ADGRB3: variants seen among roughly 807,000 people sequenced by gnomAD.
ADGRB3 encodes the protein adhesion G protein-coupled receptor B3.
Under a neutral mutation model 193.4 loss-of-function variants are expected in ADGRB3, and 37 were observed. The observed-to-expected ratio is 0.19, with a 90% CI of 0.15 to 0.25. ADGRB3 has a LOEUF of 0.25. Ranked by LOEUF, ADGRB3 falls within the 10% of genes least tolerant of loss-of-function variation. The pLI is 1.00. For synonymous variants in ADGRB3, 690 were observed against 644.2 expected (o/e 1.07, Z -1.08); for missense variants, 1,637 against 1,852.9 (o/e 0.88, Z 2.14).
At chr6:68,943,159 A>C (rs1007414595) in intron 5 of ADGRB3, among the ~76,000 whole-genome samples, 10 of 152,170 alleles carry the variant, frequency 6.6e-5, no homozygotes, top group African/African-American at 2.4e-4. Context: ...TTTCATCGTC[A>C]TTAGAAAGAG....
chr6:68,914,533 C>G (rs1418027546), intron 3 of ADGRB3, among the ~76,000 whole-genome samples: 7 of 152,064 alleles, frequency 4.6e-5, no homozygotes, highest in African/African-American at 9.7e-5. Flanking sequence ...TAAAGGAGCT[C>G]CTGAAGGAAG....
intron 3 of ADGRB3, among the ~76,000 whole-genome samples, chr6:68,771,173 A>G (rs1231121138): frequency 6.6e-6 from 1 of 152,090 alleles, no homozygotes; most frequent in Non-Finnish European, 1.5e-5. Context: ...TATTTTCATT[A>G]TGGAATGTTT....
intron 26 of ADGRB3, among the ~76,000 whole-genome samples, chr6:69,347,873 G>A (rs1341797628): frequency 1.3e-5 from 2 of 152,120 alleles, no homozygotes; most frequent in Admixed American, 6.6e-5. Context: ...CCAAAACAGA[G>A]AATGAGGCGC....
chr6:68,724,623 T>C (rs952275787), intron 3 of ADGRB3, among the ~76,000 whole-genome samples: 4 of 151,416 alleles, frequency 2.6e-5, no homozygotes, highest in Non-Finnish European at 4.4e-5. Flanking sequence ...TCTTTGATTT[T>C]TAGAGATGTG....
intron 18 of ADGRB3, among the ~76,000 whole-genome samples, chr6:69,234,641 A>G (rs540583478): frequency 9.1e-4 from 138 of 152,304 alleles, no homozygotes; most frequent in African/African-American, 3.2e-3. Flanking sequence ...TTTACCAAGA[A>G]TCATATTGTG....
intron 3 of ADGRB3, among the ~76,000 whole-genome samples, chr6:68,905,758 TA>T (rs1766527836): frequency 6.6e-6 from 1 of 152,172 alleles, no homozygotes; most frequent in Admixed American, 6.6e-5. Context: ...CAAATTAGGT[TA>T]AAAAGTTCCC....
chr6:68,972,375 C>T (rs966512703), intron 8 of ADGRB3, among the ~76,000 whole-genome samples: 1 of 152,132 alleles, frequency 6.6e-6, no homozygotes, highest in Non-Finnish European at 1.5e-5. Flanking sequence ...CATTTAACAG[C>T]CCAGGTGCTT....
intron 3 of ADGRB3, among the ~76,000 whole-genome samples, chr6:68,666,357 ATGTTC>A (rs1180960399): frequency 6.6e-6 from 1 of 151,876 alleles, no homozygotes; most frequent in African/African-American, 2.4e-5. Context: ...CTATATCTCT[ATGTTC>A]TCTTCCACCA....
intron 3 of ADGRB3, among the ~76,000 whole-genome samples, chr6:68,900,662 T>C (rs1044098143): frequency 2.0e-5 from 3 of 152,080 alleles, no homozygotes; most frequent in East Asian, 1.9e-4. Context: ...AGGTTACACA[T>C]TGATCAGCAA....
At chr6:68,722,213 T>A (rs760091757) in intron 3 of ADGRB3, among the ~76,000 whole-genome samples, 1 of 151,782 alleles carries the variant, frequency 6.6e-6, no homozygotes, top group African/African-American at 2.4e-5. Context: ...TCTGTTCCTA[T>A]GTTAGTTTGC....
chr6:69,124,885 CA>C (rs1773813422), intron 17 of ADGRB3, among the ~76,000 whole-genome samples: 1 of 83,670 alleles, frequency 1.2e-5, no homozygotes. Context: ...TCAGTTTTGC[CA>C]TTTTTTTTTT....
intron 3 of ADGRB3, among the ~76,000 whole-genome samples, chr6:68,852,025 T>A (rs1465776645): frequency 8.0e-6 from 1 of 125,176 alleles, no homozygotes; most frequent in Non-Finnish European, 2.0e-5. Flanking sequence ...TATTATTCAT[T>A]TCAACGTTGT....
intron 8 of ADGRB3, among the ~76,000 whole-genome samples, chr6:68,960,588 C>A (rs1768204596): frequency 6.6e-6 from 1 of 152,162 alleles, no homozygotes; most frequent in African/African-American, 2.4e-5. Flanking sequence ...ATTATGCCTC[C>A]TCTGGAGACC....
intron 3 of ADGRB3, among the ~76,000 whole-genome samples, chr6:68,653,667 C>A (rs1561983965): frequency 6.6e-6 from 1 of 151,988 alleles, no homozygotes. Flanking sequence ...TAAAGATACT[C>A]GAGTTTTTCT....
At chr6:69,039,612 ATATT>A (rs959698013) in intron 13 of ADGRB3, among the ~76,000 whole-genome samples, 8 of 152,194 alleles carry the variant, frequency 5.3e-5, no homozygotes, top group African/African-American at 1.9e-4. Context: ...TACAATAAAA[ATATT>A]TATTCATGAA....
intron 3 of ADGRB3, among the ~76,000 whole-genome samples, chr6:68,762,629 A>C (rs1766433836): frequency 6.6e-6 from 1 of 152,138 alleles, no homozygotes; most frequent in East Asian, 1.9e-4. Context: ...TAAGTCATAA[A>C]CATATTTGCT....
At chr6:69,295,512 A>G (rs1767795261) in intron 20 of ADGRB3, among the ~76,000 whole-genome samples, 2 of 152,164 alleles carry the variant, frequency 1.3e-5, no homozygotes, top group African/African-American at 4.8e-5. Flanking sequence ...CAGGATATTG[A>G]TGGAAAGCAC....
intron 3 of ADGRB3, among the ~76,000 whole-genome samples, chr6:68,803,889 A>G (rs1465277308): frequency 6.6e-6 from 1 of 152,152 alleles, no homozygotes; most frequent in Non-Finnish European, 1.5e-5. Flanking sequence ...AATCAATGGT[A>G]TTTTTATCTT....
intron 17 of ADGRB3, among the ~76,000 whole-genome samples, chr6:69,179,032 A>C (rs943420319): frequency 6.6e-6 from 1 of 152,198 alleles, no homozygotes; most frequent in Admixed American, 6.5e-5. Context: ...TGTTATGTCA[A>C]GTATGTATTC....
Sources: gnomAD v4.1 joint callset for allele counts (sites outside exome capture counted in the v4.1 genomes callset) on GRCh38, gnomAD v4.1.1 for gene constraint, MANE v1.5 for transcripts, NCBI Gene and HGNC (gene_info 2026-07-23, HGNC 2026-07-21) for gene names.